Variants in PLA2G4C observed in about 807,000 individuals in gnomAD.
PLA2G4C encodes the protein cytosolic phospholipase A2 gamma.
A neutral mutation model predicts 73.8 loss-of-function variants in PLA2G4C; 64 were observed. That is an observed-to-expected ratio of 0.87 (90% CI 0.71 to 1.07). The LOEUF (loss-of-function observed/expected upper bound fraction) is 1.07. Ranked by LOEUF, PLA2G4C falls within the 50% of genes least tolerant of loss-of-function variation. The pLI, the probability that PLA2G4C is intolerant of heterozygous loss-of-function variation, is 0.00. For missense variants in PLA2G4C, 622 were observed against 665.4 expected, an observed-to-expected ratio of 0.93 and a Z score of 0.72; for synonymous variants, 254 against 252.1, an observed-to-expected ratio of 1.01 and a Z score of -0.07.
chr19:48,090,634 C>T lies in PLA2G4C; in HGVS notation c.710-217G>A. 9.1e-6 allele frequency: 5 copies of T among 549,896 alleles called. No homozygotes were observed. In the South Asian group the frequency reaches 1.1e-4, roughly 12 times the overall value. The allele number at this position is 549,896 out of a possible 1,614,324, so 34.1% of individuals were successfully genotyped here. A position where few individuals can be genotyped will look rare whatever the true frequency, so the allele number is the denominator to read the frequency against. Reference sequence around the variant, plus strand: ...AGCAGTAAACAAGACAGATAAAGTCCTTGTCCTCACGAACCTTCTATGGGT... The same window carrying T: ...AGCAGTAAACAAGACAGATAAAGTCTTTGTCCTCACGAACCTTCTATGGGT... On this transcript the variant is annotated intron_variant, in intron 7 of 16. Transcript: ENST00000599921.
chr19:48,108,539 T>C (rs427750), intron 1 of PLA2G4C, among the ~76,000 whole-genome samples: 21,353 of 152,152 alleles, frequency 0.14, 1,703 homozygotes, highest in African/African-American at 0.22. Flanking sequence ...GGAGCACATA[T>C]AGAAAAGGAA....
chr19:48,067,711 T>C, intron 13 of PLA2G4C, 80 bp downstream of exon 13: 1 of 959,236 alleles, frequency 1.0e-6, no homozygotes, highest in East Asian at 2.4e-5. Context: ...CTGGGATTGT[T>C]TCAGGCCCAC....
chr19:48,105,213 C>T (rs1568456365), intron 3 of PLA2G4C, 120 bp downstream of exon 3: 2 of 648,420 alleles, frequency 3.1e-6, no homozygotes, highest in South Asian at 3.9e-5. Flanking sequence ...CCTTCTATTT[C>T]TATCCCATAG....
Position 48,053,049 on chromosome 19 carries a change from T to G in PLA2G4C, c.1528A>C (p.Asn510His). The G allele has an allele frequency of 6.2e-7, 1 of 1,613,670 alleles. No individual in the cohort carries two copies. The part of the protein sequence containing the change: ...VVLLLALAKK[N>H]VRENKKKILR... ...ATCTTCTTCTTGTTTTCCCTGACAT[T>G]CTTCTTGGCTAATGCCAAGAGTAGC... The change falls in exon 16 of 17, where the codon AAT becomes CAT. Residue 510 changes from asparagine to histidine, a missense_variant. By Grantham distance (68) the Asn-to-His change is moderately conservative. Coordinates refer to ENST00000599921, the MANE Select transcript of PLA2G4C (RefSeq NM_003706.3).
chr19:48,077,045 T>C (rs955778638), intron 11 of PLA2G4C, among the ~76,000 whole-genome samples: 20 of 152,216 alleles, frequency 1.3e-4, no homozygotes, highest in Non-Finnish European at 2.1e-4. Flanking sequence ...GTCTGATTCC[T>C]TCATGACTCC....
At chr19:48,100,818 G>T (rs2031867898) in intron 4 of PLA2G4C, among the ~76,000 whole-genome samples, 1 of 148,678 alleles carries the variant, frequency 6.7e-6, no homozygotes, top group African/African-American at 2.5e-5. Flanking sequence ...AGAGGCTGAG[G>T]CAGGAGAATG....
rs747421849 is a variant in PLA2G4C at position 48,062,090 on chromosome 19, C to A, written c.1165G>T (p.Ala389Ser). Reference protein sequence around the residue: ...KHLHLVDAGLAINTPFPLVLP... With the variant: ...KHLHLVDAGLSINTPFPLVLP... The stretch of plus-strand genomic sequence containing the variant: ...ACGAGTGGGAAGGGAGTGTTGATGG[C>A]TAAACCAGCATCCACCAGGTGGAGG... Residue 389 changes from alanine to serine, a missense_variant, in exon 14 of 17, where the codon GCC becomes TCC. Physicochemically the swap from Ala to Ser is moderately conservative, Grantham distance 99. Transcript: ENST00000599921. 4.2e-5 allele frequency: 67 copies of A among 1,612,162 alleles called. No individual in the cohort carries two copies. The highest frequency in any genetic ancestry group is 5.2e-5 in the Non-Finnish European group (61 of 1,179,136).
intron 1 of PLA2G4C, among the ~76,000 whole-genome samples, chr19:48,107,992 T>C (rs1872739830): frequency 6.6e-6 from 1 of 152,194 alleles, no homozygotes; most frequent in African/African-American, 2.4e-5. Context: ...CACTCCTTAC[T>C]CTGCCCCTTA....
At chr19:48,094,553 A>T (rs2073953457) in intron 7 of PLA2G4C, among the ~76,000 whole-genome samples, 1 of 152,194 alleles carries the variant, frequency 6.6e-6, no homozygotes, top group Non-Finnish European at 1.5e-5. Flanking sequence ...TTTTGAGGTA[A>T]GTACTTTCCC....
intron 15 of PLA2G4C, among the ~76,000 whole-genome samples, chr19:48,054,381 G>A (rs1391832406): frequency 2.6e-5 from 4 of 152,084 alleles, no homozygotes; most frequent in Admixed American, 2.6e-4. Context: ...TCAGCTCACT[G>A]CAACCTCCGC....
intron 6 of PLA2G4C, among the ~76,000 whole-genome samples, chr19:48,095,942 C>T (rs2031546340): frequency 6.6e-6 from 1 of 152,084 alleles, no homozygotes; most frequent in African/African-American, 2.4e-5. Flanking sequence ...GGAGGATTGT[C>T]TGTGGGCATA....
chr19:48,099,534 C>T (rs763126216), intron 5 of PLA2G4C, 137 bp downstream of exon 5: 10 of 595,306 alleles, frequency 1.7e-5, no homozygotes, highest in East Asian at 1.1e-4. Flanking sequence ...AGGCATCAAC[C>T]GAAGTGCCCA....
intron 6 of PLA2G4C, chr19:48,096,734 T>C (rs539695779): frequency 1.3e-5 from 2 of 152,312 alleles, no homozygotes; most frequent in East Asian, 1.9e-4. Flanking sequence ...GTGCATTTTA[T>C]GCTTAGGAAA....
chr19:48,107,441 T>C (rs2032290492), intron 1 of PLA2G4C, among the ~76,000 whole-genome samples: 1 of 151,850 alleles, frequency 6.6e-6, no homozygotes, highest in African/African-American at 2.4e-5. Flanking sequence ...GTCAGATCAC[T>C]TGAGGTCAAG....
At chr19:48,105,805 TCCCTCCC>T (rs2032152442) in intron 2 of PLA2G4C, among the ~76,000 whole-genome samples, 1 of 14,990 alleles carries the variant, frequency 6.7e-5, no homozygotes, top group Non-Finnish European at 1.3e-4. Flanking sequence ...CCTCCCTCCC[TCCCTCCC>T]CTTCCCTCCC....
Position 48,055,051 on chromosome 19 carries a change from T to G in PLA2G4C, c.1258-2A>C, listed in dbSNP as rs949546975. On this transcript the variant is annotated splice_acceptor_variant, in intron 14 of 16. Coordinates refer to ENST00000599921, the MANE Select transcript of PLA2G4C (RefSeq NM_003706.3). LOFTEE classifies it high-confidence loss of function. Reference sequence around the variant, plus strand: ...GTAGTCAGTGGTAGCCCGGATGGTCTGAGAAGGAGGCAATAAGAAATGGTT... The same window carrying G: ...GTAGTCAGTGGTAGCCCGGATGGTCGGAGAAGGAGGCAATAAGAAATGGTT... 2.5e-6 allele frequency: 4 copies of G among 1,596,730 alleles called. No individual in the cohort carries two copies. The African/African-American group carries it at 5.4e-5, about 22-fold the overall frequency.
chr19:48,049,368 C>G (rs543696743), intron 16 of PLA2G4C, among the ~76,000 whole-genome samples: 21 of 152,286 alleles, frequency 1.4e-4, no homozygotes, highest in Admixed American at 6.5e-4. Context: ...GATGCCTTCC[C>G]AGACCCCCAG....
In PLA2G4C at chr19:48,066,917, C is replaced by T. The variant is rs11564624; in HGVS notation, c.1102+874G>A. ...TGGGGAGGCTGAGGCTGCAGTGAGC[C>T]ATGATTGCACCACTGCATTCCCACC... On this transcript the variant is annotated intron_variant, in intron 13 of 16. Transcript: ENST00000599921. 5.5e-3 allele frequency among the ~76,000 whole-genome samples: 839 copies of T among 151,628 alleles called. 11 individuals are homozygous for T. The highest frequency in any genetic ancestry group is 0.019 in the African/African-American group (789 of 41,288).
At chr19:48,089,300 G>A (rs147007095) in intron 8 of PLA2G4C, among the ~76,000 whole-genome samples, 46 of 152,206 alleles carry the variant, frequency 3.0e-4, no homozygotes, top group African/African-American at 1.1e-3. Flanking sequence ...GGTGGTGCGC[G>A]CCTGTAGTCC....
Sources: allele counts gnomAD v4.1 joint callset (sites outside exome capture counted in the v4.1 genomes callset), GRCh38; gene constraint gnomAD v4.1.1; transcripts MANE v1.5; gene names NCBI Gene and HGNC (gene_info 2026-07-23, HGNC 2026-07-21).